MTCL3: variants seen among roughly 807,000 people sequenced by gnomAD.
The protein encoded by MTCL3 is MTCL family member 3.
At chr6:127,515,668 TCCG>T in the MTCL3 span, 50 of 1,501,788 alleles carry the variant, frequency 3.3e-5, no homozygotes, top group Middle Eastern at 2.0e-4. The surrounding 1 kb of genome is among the most constrained non-coding windows in gnomAD (Gnocchi z 4.3). Context: ...CTGGGGGCCC[TCCG>T]CCGCCGCCGC....
At chr6:127,516,404 G>A in the MTCL3 span, 3 of 1,600,542 alleles carry the variant, frequency 1.9e-6, no homozygotes, top group Non-Finnish European at 2.5e-6. Context: ...TGCTGCTGCC[G>A]AACAGAATTG....
At chr6:127,483,759 A>T in the MTCL3 span, among the ~76,000 whole-genome samples, 1 of 152,202 alleles carries the variant, frequency 6.6e-6, no homozygotes, top group Non-Finnish European at 1.5e-5. Context: ...GCTCAGTTCC[A>T]TTTCTCACAC....
the MTCL3 span, among the ~76,000 whole-genome samples, chr6:127,480,241 C>T: frequency 1.3e-5 from 2 of 152,188 alleles, no homozygotes; most frequent in Admixed American, 1.3e-4. Flanking sequence ...TACAACAACT[C>T]TCTATTATGA....
At chr6:127,514,521 C>T in the MTCL3 span, among the ~76,000 whole-genome samples, 8 of 152,372 alleles carry the variant, frequency 5.3e-5, no homozygotes, top group South Asian at 1.7e-3. Context: ...CGCTCTGCCA[C>T]GCCCTTGCTT....
At chr6:127,475,720 G>A in the MTCL3 span, 5 of 1,589,076 alleles carry the variant, frequency 3.1e-6, no homozygotes, top group South Asian at 1.1e-5. This position sits in a 1 kb window ranked among gnomAD's most constrained non-coding sequence, Gnocchi z 7.3. Context: ...CTTGCGGTGC[G>A]GAGGCCGCGA....
the MTCL3 span, among the ~76,000 whole-genome samples, chr6:127,496,754 A>G: frequency 6.6e-6 from 1 of 152,238 alleles, no homozygotes; most frequent in African/African-American, 2.4e-5. Flanking sequence ...AAAGGAATGA[A>G]CTATGGATAC....
chr6:127,509,193 C>G, the MTCL3 span, among the ~76,000 whole-genome samples: 11 of 152,114 alleles, frequency 7.2e-5, no homozygotes, highest in Non-Finnish European at 1.5e-4. Flanking sequence ...CGAAGAGGTC[C>G]CTCTTGTTTG....
the MTCL3 span, among the ~76,000 whole-genome samples, chr6:127,498,512 C>A: frequency 6.6e-6 from 1 of 152,148 alleles, no homozygotes; most frequent in Admixed American, 6.5e-5. Flanking sequence ...CTTTGGAAAA[C>A]AGTTGGCAGT....
the MTCL3 span, chr6:127,476,504 T>G: frequency 6.7e-7 from 1 of 1,488,678 alleles, no homozygotes; most frequent in South Asian, 1.4e-5. The surrounding 1 kb of genome is among the most constrained non-coding windows in gnomAD (Gnocchi z 4.4). Context: ...GGATAGGAGA[T>G]CATTTTTATG....
At chr6:127,485,910 T>C in the MTCL3 span, among the ~76,000 whole-genome samples, 1 of 152,094 alleles carries the variant, frequency 6.6e-6, no homozygotes, top group Non-Finnish European at 1.5e-5. Context: ...TTGAAGGATA[T>C]GCAAAATTTC....
the MTCL3 span, among the ~76,000 whole-genome samples, chr6:127,513,222 C>G: frequency 6.6e-6 from 1 of 152,198 alleles, no homozygotes; most frequent in Non-Finnish European, 1.5e-5. Flanking sequence ...AATCGTTTAA[C>G]CCTACAAAAA....
At chr6:127,516,196 G>A in the MTCL3 span, 3 of 1,433,662 alleles carry the variant, frequency 2.1e-6, no homozygotes, top group East Asian at 2.6e-5. Flanking sequence ...GGGCGGTCCG[G>A]GCCTCCTGCC....
the MTCL3 span, among the ~76,000 whole-genome samples, chr6:127,506,255 A>G: frequency 6.6e-6 from 1 of 152,208 alleles, no homozygotes; most frequent in East Asian, 1.9e-4. Context: ...AGTATTTAGA[A>G]GGCTCATTTA....
chr6:127,504,743 A>G, the MTCL3 span, among the ~76,000 whole-genome samples: 1 of 152,230 alleles, frequency 6.6e-6, no homozygotes, highest in African/African-American at 2.4e-5. Context: ...AAAATTTTTT[A>G]TTATGCTCTT....
the MTCL3 span, chr6:127,475,971 G>A: frequency 8.1e-6 from 13 of 1,611,096 alleles, no homozygotes; most frequent in Non-Finnish European, 1.1e-5. This position sits in a 1 kb window ranked among gnomAD's most constrained non-coding sequence, Gnocchi z 7.3. Context: ...TGTCGTGGCC[G>A]CCGGACTTGT....
chr6:127,490,355 T>C, the MTCL3 span, among the ~76,000 whole-genome samples: 3 of 152,152 alleles, frequency 2.0e-5, no homozygotes, highest in African/African-American at 7.2e-5. Context: ...TAACACAAAA[T>C]CCATTCTGCA....
chr6:127,478,909 C>T, the MTCL3 span, among the ~76,000 whole-genome samples: 1 of 149,618 alleles, frequency 6.7e-6, no homozygotes, highest in Admixed American at 6.7e-5. Context: ...CCCAGCTGCT[C>T]GGGAGGCTGA....
chr6:127,497,063 A>G, the MTCL3 span, among the ~76,000 whole-genome samples: 4 of 152,218 alleles, frequency 2.6e-5, no homozygotes, highest in Non-Finnish European at 5.9e-5. Context: ...GAAGAATCTC[A>G]CTACTATGGT....
At chr6:127,473,560 C>T in the MTCL3 span, among the ~76,000 whole-genome samples, 2,060 of 152,278 alleles carry the variant, frequency 0.014, 54 homozygotes, top group African/African-American at 0.048. Flanking sequence ...AGCACTTTCT[C>T]TCACTCTAAT....
Sources: allele counts gnomAD v4.1 joint callset (sites outside exome capture counted in the v4.1 genomes callset), GRCh38; gene constraint gnomAD v4.1.1; non-coding constraint Gnocchi (gnomAD v3.1); transcripts MANE v1.5; gene names NCBI Gene and HGNC (gene_info 2026-07-23, HGNC 2026-07-21).